SLC39A11: variants seen among roughly 807,000 people sequenced by gnomAD.
SLC39A11 encodes the protein solute carrier family 39 member 11.
SLC39A11 carries 33 observed loss-of-function variants against 36.1 expected under a neutral mutation model. The observed-to-expected ratio is 0.91, with a 90% confidence interval of 0.69 to 1.22. The LOEUF (loss-of-function observed/expected upper bound fraction) is 1.22. Ranked by LOEUF, SLC39A11 falls within the 50% of genes most tolerant of loss-of-function variation. The probability of loss-of-function intolerance (pLI) is 0.00; values close to 1 mark genes in which losing one functional copy is unlikely to be tolerated. For missense variants in SLC39A11, 432 were observed against 430.3 expected, an observed-to-expected ratio of 1.00 and a Z score of -0.03; for synonymous variants, 166 against 170.3, an observed-to-expected ratio of 0.97 and a Z score of 0.20.
intron 6 of SLC39A11, among the ~76,000 whole-genome samples, chr17:72,741,980 T>C (rs900092983): frequency 1.3e-5 from 2 of 152,044 alleles, no homozygotes; most frequent in African/African-American, 4.8e-5. Flanking sequence ...GGTAGGTGAA[T>C]TGCTTGAGAT....
intron 4 of SLC39A11, among the ~76,000 whole-genome samples, chr17:72,996,870 C>T (rs980751856): frequency 4.6e-5 from 7 of 152,130 alleles, no homozygotes; most frequent in African/African-American, 1.7e-4. Flanking sequence ...ATCCATGGGT[C>T]GGTTCTGTGC....
At chr17:72,935,243 C>T (rs2084671808) in intron 5 of SLC39A11, among the ~76,000 whole-genome samples, 1 of 152,118 alleles carries the variant, frequency 6.6e-6, no homozygotes, top group African/African-American at 2.4e-5. Context: ...ATGCATGACG[C>T]CAAGTAGAAA....
In SLC39A11 at chr17:72,997,671, A is replaced by C. The variant is rs187338535; in HGVS notation, c.306+33885T>G. ...TTCCAAAAATAATTCATAGGTTTTA[A>C]ATTGCACACTGTTCTGAGTAGCATG... On this transcript the variant is annotated intron_variant, in intron 4 of 9. Coordinates refer to ENST00000255559, the MANE Select transcript of SLC39A11 (RefSeq NM_139177.4). Among the ~76,000 whole-genome samples, 22 of 152,378 alleles carry C rather than the reference A, an allele frequency of 1.4e-4. No individual in the cohort carries two copies. In the East Asian group the frequency reaches 4.0e-3, roughly 28 times the overall value.
chr17:72,914,284 C>A (rs567665882), intron 5 of SLC39A11, among the ~76,000 whole-genome samples: 145 of 151,038 alleles, frequency 9.6e-4, no homozygotes, highest in Non-Finnish European at 1.8e-3. Flanking sequence ...CCACTATACT[C>A]CAGCCTGGAC....
At chr17:72,940,244 C>T (rs185461655) in intron 5 of SLC39A11, among the ~76,000 whole-genome samples, 1 of 151,432 alleles carries the variant, frequency 6.6e-6, no homozygotes, top group African/African-American at 2.4e-5. Flanking sequence ...CACCTGCCAG[C>T]AGTCTTAAAA....
intron 5 of SLC39A11, among the ~76,000 whole-genome samples, chr17:72,931,984 A>G (rs765227172): frequency 2.8e-4 from 43 of 152,104 alleles, no homozygotes; most frequent in Non-Finnish European, 5.1e-4. Context: ...CGTCTTCTAC[A>G]CCTCTCACTG....
chr17:72,706,212 C>T (rs563736449), intron 7 of SLC39A11, among the ~76,000 whole-genome samples: 5 of 152,332 alleles, frequency 3.3e-5, no homozygotes, highest in African/African-American at 1.2e-4. Context: ...TTCCCTGAAA[C>T]AATCTCTTCT....
chr17:72,828,410 C>T (rs1000519869), intron 6 of SLC39A11, among the ~76,000 whole-genome samples: 3 of 152,142 alleles, frequency 2.0e-5, no homozygotes, highest in African/African-American at 7.2e-5. Flanking sequence ...CATGGGAAGT[C>T]GGAAAAGGCG....
intron 6 of SLC39A11, among the ~76,000 whole-genome samples, chr17:72,782,516 C>G (rs1282310343): frequency 1.3e-5 from 2 of 151,926 alleles, no homozygotes; most frequent in Admixed American, 1.3e-4. Context: ...GGGCAAAATC[C>G]TGTCTCTACT....
intron 5 of SLC39A11, among the ~76,000 whole-genome samples, chr17:72,919,613 A>G (rs2083527061): frequency 6.8e-6 from 1 of 147,924 alleles, no homozygotes; most frequent in African/African-American, 2.5e-5. Flanking sequence ...TGGAGCTTGC[A>G]GTGAGCCGAG....
In SLC39A11 at chr17:72,967,182, G is replaced by A. The variant is rs141223560; in HGVS notation, c.307-19307C>T. Among the ~76,000 whole-genome samples the A allele has an allele frequency of 5.3e-5, 8 of 152,232 alleles. No homozygotes were observed. In the East Asian group the frequency reaches 1.5e-3, roughly 29 times the overall value. ...AATGTAACAATAATAGAAATAAAGT[G>A]CACGATAAGTGTAATATGCTTGAAT... On this transcript the variant is annotated intron_variant, in intron 4 of 9. Transcript: ENST00000255559.
At chr17:73,080,437 GA>G (rs768396457) in intron 3 of SLC39A11, among the ~76,000 whole-genome samples, 25 of 152,140 alleles carry the variant, frequency 1.6e-4, no homozygotes, top group Admixed American at 3.3e-4. Flanking sequence ...GCCACATATA[GA>G]AGAACAAAAC....
intron 6 of SLC39A11, among the ~76,000 whole-genome samples, chr17:72,808,011 T>C (rs2077317229): frequency 6.6e-6 from 1 of 151,846 alleles, no homozygotes; most frequent in Non-Finnish European, 1.5e-5. Flanking sequence ...GGCACCAAAT[T>C]GGTGCTCTCA....
At chr17:72,952,014 T>A (rs1419886171) in intron 4 of SLC39A11, among the ~76,000 whole-genome samples, 3 of 152,118 alleles carry the variant, frequency 2.0e-5, no homozygotes, top group Non-Finnish European at 4.4e-5. Flanking sequence ...AAGCTGCCCT[T>A]TTAAAAGCTA....
chr17:72,973,296 T>C (rs1048654656), intron 4 of SLC39A11, among the ~76,000 whole-genome samples: 1 of 134,460 alleles, frequency 7.4e-6, no homozygotes, highest in Non-Finnish European at 1.7e-5. Context: ...ATCCAGCGGG[T>C]ACAGTGGCCC....
chr17:72,865,009 A>C (rs542519609), intron 5 of SLC39A11, among the ~76,000 whole-genome samples: 1 of 152,206 alleles, frequency 6.6e-6, no homozygotes. Context: ...GATAAAGATA[A>C]ACCAAAATCT....
chr17:73,082,196 C>T (rs1015715068), intron 3 of SLC39A11, among the ~76,000 whole-genome samples: 28 of 147,820 alleles, frequency 1.9e-4, no homozygotes, highest in Non-Finnish European at 3.6e-4. Flanking sequence ...TTTAAATTTT[C>T]CTATGAGCCT....
In SLC39A11 at chr17:72,967,225, T is replaced by TC. The variant is rs1207520862; in HGVS notation, c.307-19351dup. On this transcript the variant is annotated intron_variant, in intron 4 of 9. Transcript: ENST00000255559. ...GCTTGAATCATCCCACAACCATCCA[T>TC]CCCCCGCTCTGTAGAAAAATTGTCT... Among the ~76,000 whole-genome samples, 9 of 152,030 alleles carry TC rather than the reference T, an allele frequency of 5.9e-5. No individual in the cohort carries two copies. In the East Asian group the frequency reaches 1.7e-3, roughly 29 times the overall value.
At chr17:72,885,236 A>G (rs532371094) in intron 5 of SLC39A11, among the ~76,000 whole-genome samples, 1 of 152,326 alleles carries the variant, frequency 6.6e-6, no homozygotes, top group Admixed American at 6.5e-5. Context: ...TTGGAATTAA[A>G]CAGCTTCCTA....
Sources: gnomAD v4.1 joint callset for allele counts (sites outside exome capture counted in the v4.1 genomes callset) on GRCh38, gnomAD v4.1.1 for gene constraint, MANE v1.5 for transcripts, NCBI Gene and HGNC (gene_info 2026-07-23, HGNC 2026-07-21) for gene names.